TRHDE: variants seen among roughly 807,000 people sequenced by gnomAD.
TRHDE encodes the protein thyrotropin-releasing hormone-degrading ectoenzyme.
In TRHDE, 72 loss-of-function variants were observed where a neutral mutation model predicts 125.7. The ratio of observed to expected loss-of-function variants is 0.57; its 90% CI spans 0.47 to 0.70. The LOEUF is 0.70. Among genes scored for constraint, TRHDE ranks in the 30% least tolerant of loss-of-function variants. The probability of loss-of-function intolerance (pLI) is 0.00; values close to 1 mark genes in which losing one functional copy is unlikely to be tolerated. For missense variants in TRHDE, 1,110 were observed against 1,327.1 expected, an observed-to-expected ratio of 0.84 and a Z score of 2.54; for synonymous variants, 509 against 509.1, an observed-to-expected ratio of 1.00 and a Z score of 0.00.
intron 3 of TRHDE, among the ~76,000 whole-genome samples, chr12:72,415,015 C>A (rs1271682239): frequency 6.6e-6 from 1 of 152,090 alleles, no homozygotes; most frequent in Non-Finnish European, 1.5e-5. Flanking sequence ...TATGCAGGCA[C>A]TTCTGTCTTT....
At chr12:72,367,656 T>A (rs1443543981) in intron 2 of TRHDE, among the ~76,000 whole-genome samples, 1 of 152,202 alleles carries the variant, frequency 6.6e-6, no homozygotes, top group African/African-American at 2.4e-5. Context: ...CCCTGGCTTG[T>A]TCTGTTTTCC....
intron 2 of TRHDE, among the ~76,000 whole-genome samples, chr12:72,249,937 C>T (rs1315629317): frequency 6.6e-6 from 1 of 152,076 alleles, no homozygotes; most frequent in African/African-American, 2.4e-5. Flanking sequence ...TATAATACCA[C>T]TTATATAACT....
At chr12:72,252,915 T>C (rs1170080448) in intron 2 of TRHDE, among the ~76,000 whole-genome samples, 2 of 152,088 alleles carry the variant, frequency 1.3e-5, no homozygotes, top group African/African-American at 4.8e-5. Context: ...TTTCCTTGGG[T>C]TGATTGTAAA....
chr12:72,430,362 C>CATGT (rs1274555844), intron 3 of TRHDE, among the ~76,000 whole-genome samples: 3 of 141,696 alleles, frequency 2.1e-5, no homozygotes, highest in African/African-American at 7.8e-5. Context: ...TACATATATA[C>CATGT]ATATATACGT....
intron 5 of TRHDE, among the ~76,000 whole-genome samples, chr12:72,484,242 A>G (rs1313085348): frequency 6.6e-6 from 1 of 152,162 alleles, no homozygotes; most frequent in African/African-American, 2.4e-5. Flanking sequence ...TAAGTATGAA[A>G]AAAGATTAGC....
chr12:72,443,192 C>CTGTGTGTG (rs58277850), intron 3 of TRHDE, among the ~76,000 whole-genome samples: 3,803 of 144,444 alleles, frequency 0.026, 73 homozygotes, highest in African/African-American at 0.05. Context: ...TACTTCTTTC[C>CTGTGTGTG]TGTGTGTGTG....
intron 3 of TRHDE, among the ~76,000 whole-genome samples, chr12:72,426,240 G>A (rs921506910): frequency 9.9e-5 from 15 of 152,050 alleles, no homozygotes; most frequent in African/African-American, 3.6e-4. Context: ...TCTCTCTGTT[G>A]AATGTAATAA....
chr12:72,267,997 T>G (rs1049469960), upstream of TRHDE, among the ~76,000 whole-genome samples: 3 of 152,148 alleles, frequency 2.0e-5, no homozygotes, highest in African/African-American at 7.2e-5. Context: ...TGTTGTAAAA[T>G]TTTGAAAGTC....
intron 3 of TRHDE, among the ~76,000 whole-genome samples, chr12:72,458,332 A>G (rs1875959684): frequency 1.3e-5 from 2 of 152,118 alleles, no homozygotes; most frequent in Non-Finnish European, 2.9e-5. Flanking sequence ...TCCCCTGTGG[A>G]TGGATCACTA....
At chr12:72,250,481 G>A (rs748031381) in intron 2 of TRHDE, among the ~76,000 whole-genome samples, 60 of 152,200 alleles carry the variant, frequency 3.9e-4, no homozygotes, top group Non-Finnish European at 4.3e-4. Context: ...AGTACAGATT[G>A]GAATAGGCTG....
chr12:72,437,391 C>T (rs951876596), intron 3 of TRHDE, among the ~76,000 whole-genome samples: 3 of 151,724 alleles, frequency 2.0e-5, no homozygotes, highest in African/African-American at 7.2e-5. Context: ...CAACTTTTGT[C>T]CATGCGATAT....
In TRHDE at chr12:72,663,411, T is replaced by C; in HGVS notation, c.*216T>C. On this transcript the variant is annotated 3_prime_UTR_variant, in exon 19 of 19. Coordinates refer to ENST00000261180, the MANE Select transcript of TRHDE (RefSeq NM_013381.3). The stretch of plus-strand genomic sequence containing the variant: ...TGTTTCTCTACTGGGTGTTCCTCTC[T>C]AAAGAAACTCTTGCAAGTGAAACTA... The C allele has an allele frequency of 2.7e-6, 1 of 376,740 alleles. No homozygotes were observed. The highest frequency in any genetic ancestry group is 4.7e-6 in the Non-Finnish European group (1 of 211,030). 23.3% of individuals were successfully genotyped at this position (376,740 alleles called of 1,614,324 possible).
At chr12:72,425,448 G>A (rs1874143241) in intron 3 of TRHDE, among the ~76,000 whole-genome samples, 1 of 152,086 alleles carries the variant, frequency 6.6e-6, no homozygotes, top group African/African-American at 2.4e-5. Flanking sequence ...CAGATCATCT[G>A]TGTGTATGTC....
At chr12:72,235,792 TAGC>T (rs1878328029) in intron 2 of TRHDE, among the ~76,000 whole-genome samples, 2 of 81,126 alleles carry the variant, frequency 2.5e-5, no homozygotes, top group African/African-American at 1.1e-4. Context: ...CAAATTACAC[TAGC>T]GTATTTAAGG....
intron 2 of TRHDE, among the ~76,000 whole-genome samples, chr12:72,116,237 C>T (rs935357656): frequency 6.6e-6 from 1 of 152,172 alleles, no homozygotes; most frequent in African/African-American, 2.4e-5. Context: ...ATATGTGCCA[C>T]ATTTTCTTTA....
At chr12:72,355,781 C>T (rs919184238) in intron 2 of TRHDE, among the ~76,000 whole-genome samples, 8 of 151,682 alleles carry the variant, frequency 5.3e-5, no homozygotes, top group African/African-American at 1.9e-4. Flanking sequence ...AGACATGTGG[C>T]CCACAAGCAT....
In TRHDE at chr12:72,669,523, C is replaced by T. The variant is rs1398373532; in HGVS notation, c.*6328C>T. On this transcript the variant is annotated 3_prime_UTR_variant, in exon 19 of 19. Coordinates refer to ENST00000261180, the MANE Select transcript of TRHDE (RefSeq NM_013381.3). ...GTTAAGAACATCTGCCTCAAATGTA[C>T]AGTGCATTTACTTTTTAAGTTAATC... 4 of 151,756 alleles carry T rather than the reference C, an allele frequency of 2.6e-5. No homozygotes were observed. 9.4% of individuals were successfully genotyped at this position (151,756 alleles called of 1,614,324 possible). A position where few individuals can be genotyped will look rare whatever the true frequency, so the allele number is the denominator to read the frequency against.
chr12:72,413,453 A>G (rs1873597398), intron 3 of TRHDE, among the ~76,000 whole-genome samples: 1 of 127,032 alleles, frequency 7.9e-6, no homozygotes. Flanking sequence ...ATTTTTATAT[A>G]GATTATATAT....
chr12:72,292,250 T>G (rs1277763300), intron 2 of TRHDE, among the ~76,000 whole-genome samples: 1 of 152,228 alleles, frequency 6.6e-6, no homozygotes, highest in African/African-American at 2.4e-5. Flanking sequence ...ACCCTTGGCT[T>G]CATCCTTAGA....
Sources: allele counts gnomAD v4.1 joint callset (sites outside exome capture counted in the v4.1 genomes callset), GRCh38; gene constraint gnomAD v4.1.1; transcripts MANE v1.5; gene names NCBI Gene and HGNC (gene_info 2026-07-23, HGNC 2026-07-21).